Variants in AOX1 observed in about 807,000 individuals in gnomAD.
The protein encoded by AOX1 is aldehyde oxidase 1, also known as aldehyde oxidase.
AOX1 carries 153 observed loss-of-function variants against 169.5 expected under a neutral mutation model. The ratio of observed to expected loss-of-function variants is 0.90; its 90% confidence interval spans 0.79 to 1.03. The LOEUF (loss-of-function observed/expected upper bound fraction) is 1.03. AOX1 is among the 50% of genes least tolerant of loss of function. The probability of loss-of-function intolerance (pLI) is 0.00; values close to 1 mark genes in which losing one functional copy is unlikely to be tolerated. For synonymous variants in AOX1, 562 were observed against 581.9 expected (o/e 0.97, Z 0.49); for missense variants, 1,656 against 1,663.9 (o/e 1.00, Z 0.08).
rs748570268 is a variant in AOX1, at chr2:200,604,757, T to A, written c.731T>A (p.Phe244Tyr). Residue 244 changes from phenylalanine (F) to tyrosine (Y), a missense_variant, in exon 9 of 35, where the codon TTT becomes TAT. Coordinates refer to ENST00000374700, the MANE Select transcript of AOX1 (RefSeq NM_001159.4). ...TTTGGCAGTGAGAGAATGATGTGGT[T>A]TTCCCCCGTGACCCTGAAGGAACTG... is the stretch of plus-strand genomic sequence containing the variant. ...RVFGSERMMW[F>Y]SPVTLKELLE... The A allele has an allele frequency of 5.6e-5, 91 of 1,613,918 alleles. No individual in the cohort carries two copies. The highest frequency in any genetic ancestry group is 7.3e-5 in the Non-Finnish European group (86 of 1,179,992).
At position 200,586,024 on chromosome 2, in the gene AOX1, T is replaced by G. The variant is rs1574898401; in HGVS notation, c.-85T>G. 1 of 1,478,262 alleles carries G rather than the reference T, an allele frequency of 6.8e-7. No individual in the cohort carries two copies. 91.6% of individuals were successfully genotyped at this position (1,478,262 alleles called of 1,614,324 possible). A position where few individuals can be genotyped will look rare whatever the true frequency, so the allele number is the denominator to read the frequency against. On this transcript the variant is annotated 5_prime_UTR_variant, in exon 1 of 35. Transcript: ENST00000374700. The stretch of plus-strand genomic sequence containing the variant: ...AGCAAGCCCCGCCCCACTCGGCGGG[T>G]CGGTGCCGCCGGGTCCCAGGTGCCC...
intron 26 of AOX1, among the ~76,000 whole-genome samples, chr2:200,656,625 C>T (rs2035690788): frequency 6.6e-6 from 1 of 152,086 alleles, no homozygotes; most frequent in Non-Finnish European, 1.5e-5. Context: ...CACAATTATT[C>T]ACCCTCTCCC....
In AOX1 at chr2:200,617,479, T is replaced by G. The variant is rs6760616; in HGVS notation, c.1704+1416T>G. Among the ~76,000 whole-genome samples the G allele has an allele frequency of 7.6e-4, 82 of 108,400 alleles. 1 individual carries two copies. Among genetic ancestry groups the G allele is most frequent in the Non-Finnish European group, 1.3e-3 (71 of 53,588 alleles). The allele number at this position is 108,400 out of a possible 152,430, so 71.1% of individuals were successfully genotyped here. A position where few individuals can be genotyped will look rare whatever the true frequency, so the allele number is the denominator to read the frequency against. ...CACCAGTAGATTTATCACAACTAAC[T>G]GCAAAAAAAAAAAAAAAAAAAAAAA... On this transcript the variant is annotated intron_variant, in intron 16 of 34. Coordinates refer to ENST00000374700, the MANE Select transcript of AOX1 (RefSeq NM_001159.4).
At chr2:200,635,799 G>C (rs536419761) in intron 21 of AOX1, among the ~76,000 whole-genome samples, 186 of 152,250 alleles carry the variant, frequency 1.2e-3, no homozygotes, top group Non-Finnish European at 2.0e-3. Context: ...AATGAGGCAG[G>C]GGGTCTTGAT....
chr2:200,673,474 T>C (rs1387997734), downstream of AOX1, among the ~76,000 whole-genome samples: 1 of 152,166 alleles, frequency 6.6e-6, no homozygotes, highest in African/African-American at 2.4e-5. Context: ...TCAAAGACAG[T>C]TCCTGAATCT....
At chr2:200,652,273 G>A (rs1190251681) in intron 26 of AOX1, among the ~76,000 whole-genome samples, 4 of 152,156 alleles carry the variant, frequency 2.6e-5, no homozygotes, top group African/African-American at 9.7e-5. Context: ...TAGGCAGGTG[G>A]TAGGTCAGAG....
intron 7 of AOX1, 79 bp from the exon 8 acceptor site, chr2:200,603,938 T>C: frequency 1.0e-6 from 1 of 961,204 alleles, no homozygotes; most frequent in Non-Finnish European, 1.7e-6. Flanking sequence ...TGACTGTGTA[T>C]CTATATCTTT....
In AOX1 at chr2:200,642,817, C is replaced by T; in HGVS notation, c.2847+16C>T. ...CCCTGAGAAGGTAATACTAAATCAG[C>T]TTCACAGACAAAACATGTGGAATGT... On this transcript the variant is annotated intron_variant, in intron 25 of 34. Transcript: ENST00000374700. The T allele has an allele frequency of 1.9e-6, 3 of 1,602,842 alleles. No homozygotes were observed. The highest frequency in any genetic ancestry group is 1.7e-6 in the Non-Finnish European group (2 of 1,173,016).
downstream of AOX1, among the ~76,000 whole-genome samples, chr2:200,672,664 A>G (rs1242326345): frequency 6.6e-6 from 1 of 152,204 alleles, no homozygotes; most frequent in Non-Finnish European, 1.5e-5. Context: ...AAAAATAATA[A>G]GTAAATTACA....
intron 20 of AOX1, 64 bp from the exon 21 acceptor site, chr2:200,634,727 C>G: frequency 2.5e-6 from 4 of 1,597,314 alleles, no homozygotes; most frequent in Admixed American, 3.4e-5. Flanking sequence ...CGGGATAATA[C>G]CTGGGGGACG....
At position 200,612,668 on chromosome 2, in the gene AOX1, C is replaced by A. The variant is rs750560375; in HGVS notation, c.1323C>A (p.Val441=). 5 of 1,613,946 alleles carry A rather than the reference C, an allele frequency of 3.1e-6. No individual in the cohort carries two copies. In the East Asian group the frequency reaches 1.1e-4, roughly 36 times the overall value. The change falls in exon 14 of 35, where the codon GTC becomes GTA. Residue 441 remains valine, a synonymous_variant. Coordinates refer to ENST00000374700, the MANE Select transcript of AOX1 (RefSeq NM_001159.4). The part of the protein sequence containing the change: ...AQRQENALAI[V]NSGMRVFFGE... Reference sequence around the variant, plus strand: ...GACAGGAGAATGCGCTAGCGATAGTCAATTCAGGAATGAGAGTCTTTTTTG... The same window carrying A: ...GACAGGAGAATGCGCTAGCGATAGTAAATTCAGGAATGAGAGTCTTTTTTG...
chr2:200,668,874 C>G, intron 33 of AOX1, 71 bp downstream of exon 33: 1 of 1,328,692 alleles, frequency 7.5e-7, no homozygotes, highest in Non-Finnish European at 1.0e-6. Flanking sequence ...GGCTACATTC[C>G]TCTCTTGGCT....
Position 200,654,074 on chromosome 2 carries a change from C to T in AOX1, c.3076-2768C>T, listed in dbSNP as rs144480472. ...TATTGAAATTAGGTCATTTAATAAC[C>T]CTGCAGTGGCCTCTAAGTGTTCAAG... is the stretch of plus-strand genomic sequence containing the variant. On this transcript the variant is annotated intron_variant, in intron 26 of 34. Transcript: ENST00000374700. 1.6e-3 allele frequency among the ~76,000 whole-genome samples: 241 copies of T among 152,012 alleles called. 3 individuals carry two copies. Among genetic ancestry groups the T allele is most frequent in the African/African-American group, 5.7e-3 (236 of 41,474 alleles).
At chr2:200,657,290 G>A (rs1319519136) in intron 27 of AOX1, among the ~76,000 whole-genome samples, 5 of 148,902 alleles carry the variant, frequency 3.4e-5, no homozygotes, top group African/African-American at 7.5e-5. Flanking sequence ...CTGGGAGGTC[G>A]AAGCCTCAGT....
In AOX1 at chr2:200,600,593, G is replaced by A. The variant is rs1208588606; in HGVS notation, c.436+847G>A. 8.6e-5 allele frequency among the ~76,000 whole-genome samples: 13 copies of A among 151,930 alleles called. 1 individual carries two copies. Among genetic ancestry groups the A allele is most frequent in the Admixed American group, 7.9e-4 (12 of 15,242 alleles). ...CGTTTGTCTTTGTCTCAGGCCTCCC[G>A]AAGACCTCATTTCTCTGCTAGAGAA... On this transcript the variant is annotated intron_variant, in intron 5 of 34. Coordinates refer to ENST00000374700, the MANE Select transcript of AOX1 (RefSeq NM_001159.4).
chr2:200,650,768 C>T (rs1273158536), intron 25 of AOX1, among the ~76,000 whole-genome samples: 1 of 152,170 alleles, frequency 6.6e-6, no homozygotes, highest in Non-Finnish European at 1.5e-5. Context: ...ATAGAAAGCA[C>T]ATAAGTAATT....
At chr2:200,641,691 C>A (rs1437995033) in intron 24 of AOX1, among the ~76,000 whole-genome samples, 5 of 151,934 alleles carry the variant, frequency 3.3e-5, no homozygotes, top group Admixed American at 3.3e-4. Context: ...CCATGCCTAG[C>A]TAATTTTTTT....
At chr2:200,673,820 C>T (rs2036059743), downstream of AOX1, among the ~76,000 whole-genome samples, 4 of 152,200 alleles carry the variant, frequency 2.6e-5, no homozygotes, top group South Asian at 8.3e-4. Flanking sequence ...GTTCCCTTCC[C>T]TTTTCCTGTC....
intron 26 of AOX1, among the ~76,000 whole-genome samples, chr2:200,652,466 A>G (rs2035597383): frequency 6.6e-6 from 1 of 152,246 alleles, no homozygotes; most frequent in Non-Finnish European, 1.5e-5. Flanking sequence ...GAAGAGAGAA[A>G]GAAACTACCA....
Sources: allele counts gnomAD v4.1 joint callset (sites outside exome capture counted in the v4.1 genomes callset), GRCh38; gene constraint gnomAD v4.1.1; transcripts MANE v1.5; gene names NCBI Gene and HGNC (gene_info 2026-07-23, HGNC 2026-07-21).